PCDHA13: variants seen among roughly 807,000 people sequenced by gnomAD.
The protein encoded by PCDHA13 is protocadherin alpha-13.
In PCDHA13, 54 loss-of-function variants were observed where a neutral mutation model predicts 64.8. The observed-to-expected ratio is 0.83, with a 90% CI of 0.67 to 1.04. The LOEUF is 1.04. Among genes scored for constraint, PCDHA13 ranks in the 50% least tolerant of loss-of-function variants. The pLI, the probability that PCDHA13 is intolerant of heterozygous loss-of-function variation, is 0.00. For synonymous variants in PCDHA13, 587 were observed against 564.4 expected (o/e 1.04, Z -0.57); for missense variants, 1,248 against 1,254.3 (o/e 0.99, Z 0.08).
chr5:140,982,992 A>G (rs1413932820), intron 3 of PCDHA13, among the ~76,000 whole-genome samples: 1 of 151,958 alleles, frequency 6.6e-6, no homozygotes, highest in African/African-American at 2.4e-5. Flanking sequence ...GAGAAAAAGA[A>G]GGAAAGAAAG....
rs1263474406 is a variant in PCDHA13, at chr5:140,967,341, A to G, written c.2395-11608A>G. ...ACCTACGAGCTCAGCCCCAGCGAGCACTTCGAGCTGGACCTTAAGCCCCTG... is the reference window on the plus strand; with the variant it reads ...ACCTACGAGCTCAGCCCCAGCGAGCGCTTCGAGCTGGACCTTAAGCCCCTG... On this transcript the variant is annotated intron_variant, in intron 1 of 3. Coordinates refer to ENST00000289272, the MANE Select transcript of PCDHA13 (RefSeq NM_018904.3). 3 of 1,607,922 alleles carry G rather than the reference A, an allele frequency of 1.9e-6. No homozygotes were observed. The highest frequency in any genetic ancestry group is 1.3e-5 in the African/African-American group (1 of 74,782).
intron 1 of PCDHA13, chr5:140,968,040 G>A: frequency 1.2e-6 from 2 of 1,614,162 alleles, no homozygotes; most frequent in African/African-American, 1.3e-5. Context: ...GTGGTGAGCG[G>A]CCCACTGGAC....
chr5:140,960,993 A>G (rs1053601284), intron 1 of PCDHA13, among the ~76,000 whole-genome samples: 1 of 152,140 alleles, frequency 6.6e-6, no homozygotes, highest in Non-Finnish European at 1.5e-5. Context: ...AAAATGCTCA[A>G]TTTGCTGCTG....
At chr5:140,996,308 A>G (rs997099218) in intron 3 of PCDHA13, among the ~76,000 whole-genome samples, 4 of 152,240 alleles carry the variant, frequency 2.6e-5, no homozygotes, top group African/African-American at 9.6e-5. Flanking sequence ...GTAACAAAGT[A>G]AGGGGGGAGG....
At chr5:140,911,591 A>G (rs2075552073) in intron 1 of PCDHA13, among the ~76,000 whole-genome samples, 2 of 152,222 alleles carry the variant, frequency 1.3e-5, no homozygotes, top group Non-Finnish European at 1.5e-5. Context: ...AGGAGGAACC[A>G]ACCAACTTCA....
rs1195729562 is a variant in PCDHA13, at chr5:140,897,783, G to A, written c.2394+13121G>A. 1.3e-3 allele frequency among the ~76,000 whole-genome samples: 204 copies of A among 152,264 alleles called. 1 individual carries two copies. The highest frequency in any genetic ancestry group is 0.011 in the South Asian group (52 of 4,820). ...CGCCACACTGACTTCCACAATGGTTGAACTAGTTTAGAGTCCCACCAACAG... is the reference window on the plus strand; with the variant it reads ...CGCCACACTGACTTCCACAATGGTTAAACTAGTTTAGAGTCCCACCAACAG... On this transcript the variant is annotated intron_variant, in intron 1 of 3. Transcript: ENST00000289272.
chr5:140,941,446 G>C (rs1241311664), intron 1 of PCDHA13, among the ~76,000 whole-genome samples: 1 of 150,694 alleles, frequency 6.6e-6, no homozygotes, highest in African/African-American at 2.4e-5. Flanking sequence ...CTCGGGAGTA[G>C]CTGGGATTAC....
At chr5:140,917,324 C>CGGGGGGGG (rs1299895515) in intron 1 of PCDHA13, among the ~76,000 whole-genome samples, 1 of 76,104 alleles carries the variant, frequency 1.3e-5, no homozygotes, top group Non-Finnish European at 2.9e-5. Context: ...GTTCATGTGG[C>CGGGGGGGG]GGGGGAGGGG....
chr5:140,983,059 C>A (rs1325414567), intron 3 of PCDHA13, among the ~76,000 whole-genome samples: 3 of 151,980 alleles, frequency 2.0e-5, no homozygotes, highest in Non-Finnish European at 4.4e-5. Flanking sequence ...TTATCGGAAC[C>A]AAGGCATTGT....
intron 1 of PCDHA13, among the ~76,000 whole-genome samples, chr5:140,959,768 A>G (rs1554224322): frequency 6.6e-6 from 1 of 152,240 alleles, no homozygotes; most frequent in African/African-American, 2.4e-5. Flanking sequence ...ATATTCAGTA[A>G]GAACAGTGTA....
intron 1 of PCDHA13, among the ~76,000 whole-genome samples, chr5:140,894,883 A>ACC (rs1407725642): frequency 6.6e-6 from 1 of 152,200 alleles, no homozygotes; most frequent in African/African-American, 2.4e-5. Flanking sequence ...TTTAGAAGAA[A>ACC]CAGACCAGGA....
intron 1 of PCDHA13, chr5:140,929,415 C>A: frequency 6.6e-7 from 1 of 1,504,268 alleles, no homozygotes; most frequent in Non-Finnish European, 8.9e-7. Context: ...CCTTTCACAA[C>A]ATTTCATCAA....
intron 1 of PCDHA13, among the ~76,000 whole-genome samples, chr5:140,945,368 C>T (rs980832309): frequency 1.3e-5 from 2 of 151,844 alleles, no homozygotes; most frequent in African/African-American, 4.8e-5. Flanking sequence ...TTAAAATGTC[C>T]ATATTACCCA....
intron 1 of PCDHA13, among the ~76,000 whole-genome samples, chr5:140,887,239 G>C (rs1248062448): frequency 6.6e-6 from 1 of 151,736 alleles, no homozygotes. Flanking sequence ...TGAGACTACC[G>C]GCGCCCGCCA....
At position 140,882,953 on chromosome 5, in the gene PCDHA13, C is replaced by T; in HGVS notation, c.685C>T (p.Leu229Phe). 6 of 1,614,184 alleles carry T rather than the reference C, an allele frequency of 3.7e-6. No individual in the cohort carries two copies. Among genetic ancestry groups the T allele is most frequent in the East Asian group, 2.2e-5 (1 of 44,882 alleles). ...KPELTGTVQL[L>F]ITILDVNDNA... Reference sequence around the variant, plus strand: ...CGAGCTGACTGGCACAGTTCAGCTGCTCATCACGATTCTGGACGTGAATGA... The same window carrying T: ...CGAGCTGACTGGCACAGTTCAGCTGTTCATCACGATTCTGGACGTGAATGA... The change falls in exon 1 of 4, where the codon CTC becomes TTC. Residue 229 changes from leucine to phenylalanine, a missense_variant. Physicochemically the swap from Leu to Phe is conservative, Grantham distance 22 (BLOSUM62 0). Coordinates refer to ENST00000289272, the MANE Select transcript of PCDHA13 (RefSeq NM_018904.3).
chr5:141,002,918 GAACACCCTCC>G (rs1554258833), intron 3 of PCDHA13, among the ~76,000 whole-genome samples: 1 of 152,192 alleles, frequency 6.6e-6, no homozygotes, highest in Non-Finnish European at 1.5e-5. Flanking sequence ...TCAGAAAAGT[GAACACCCTCC>G]AACACCCTCC....
intron 1 of PCDHA13, among the ~76,000 whole-genome samples, chr5:140,971,300 A>T (rs555201828): frequency 2.0e-5 from 3 of 152,380 alleles, no homozygotes; most frequent in African/African-American, 7.2e-5. Flanking sequence ...ACTTTGGTAC[A>T]CAAACATTTA....
At chr5:140,919,183 A>T (rs2079029188) in intron 1 of PCDHA13, among the ~76,000 whole-genome samples, 1 of 152,104 alleles carries the variant, frequency 6.6e-6, no homozygotes, top group Non-Finnish European at 1.5e-5. Context: ...TATCTTCCTG[A>T]TTGGTCCTTT....
Position 141,002,117 on chromosome 5 carries a change from C to T in PCDHA13, c.2543-7510C>T, listed in dbSNP as rs74680186. Among the ~76,000 whole-genome samples, 37 of 152,378 alleles carry T rather than the reference C, an allele frequency of 2.4e-4. 1 individual carries two copies. The East Asian group carries it at 6.0e-3, about 25-fold the overall frequency. ...GGGCTGGGCCGGAAACGGCTATAAT[C>T]ATTTAATAGCCTTTGCCGGCTGCAC... On this transcript the variant is annotated intron_variant, in intron 3 of 3. Transcript: ENST00000289272.
Sources: gnomAD v4.1 joint callset for allele counts (sites outside exome capture counted in the v4.1 genomes callset) on GRCh38, gnomAD v4.1.1 for gene constraint, MANE v1.5 for transcripts, NCBI Gene and HGNC (gene_info 2026-07-23, HGNC 2026-07-21) for gene names.